The following CHD6 variants were observed in gnomAD, a reference collection of about 807,000 sequenced individuals.
CHD6 encodes the protein ATP-dependent chromatin remodeler CHD6.
CHD6 carries 50 observed loss-of-function variants against 276.9 expected under a neutral mutation model. The ratio of observed to expected loss-of-function variants is 0.18; its 90% CI spans 0.14 to 0.23. The LOEUF (loss-of-function observed/expected upper bound fraction) is 0.23, where lower values mean the gene tolerates loss of function less well. CHD6 is among the 10% of genes least tolerant of loss of function. CHD6 has a pLI of 1.00. For synonymous variants in CHD6, 1,173 were observed against 1,229.3 expected, an observed-to-expected ratio of 0.95 and a Z score of 0.96; for missense variants, 2,564 against 3,365.8, an observed-to-expected ratio of 0.76 and a Z score of 5.89.
rs772043723 is a variant in CHD6, at chr20:41,493,841, G to A, written c.1179+17C>T. The A allele has an allele frequency of 1.9e-6, 3 of 1,606,868 alleles. No individual in the cohort carries two copies. Among genetic ancestry groups the A allele is most frequent in the Non-Finnish European group, 2.6e-6 (3 of 1,173,696 alleles). ...GTGGAAAGAAGGGAAGATGCTTCAG[G>A]AGAGGCAAATACCCACCTCCCCTGT... On this transcript the variant is annotated intron_variant, in intron 9 of 36. Transcript: ENST00000373233.
intron 5 of CHD6, among the ~76,000 whole-genome samples, chr20:41,502,867 G>A (rs191474088): frequency 2.0e-4 from 30 of 152,274 alleles, no homozygotes; most frequent in African/African-American, 4.6e-4. Flanking sequence ...TTAGCGTGGC[G>A]TGGTGGTGCA....
Position 41,423,617 on chromosome 20 carries a change from T to C in CHD6, c.4430A>G (p.Asp1477Gly). The C allele has an allele frequency of 6.2e-7, 1 of 1,614,206 alleles. No individual in the cohort carries two copies. ...GGAAATGATGCGGAACTGTGTCCAG[T>C]CAAAGGTTTTCTTTTCTTGATCGTA... is the stretch of plus-strand genomic sequence containing the variant. ...VVYDQEKKTF[D>G]WTQFRIISRL... The change falls in exon 30 of 37, where the codon GAC becomes GGC. Residue 1477 changes from aspartate (D) to glycine (G), a missense_variant. By Grantham distance (94) the Asp-to-Gly change is moderately conservative. This residue lies in a region of CHD6 where 515 missense variants were observed against 739.5 expected (regional missense o/e 0.70). Coordinates refer to ENST00000373233, the MANE Select transcript of CHD6 (RefSeq NM_032221.5).
In CHD6 at chr20:41,404,504, G is replaced by C. The variant is rs1753268067; in HGVS notation, c.*89C>G. On this transcript the variant is annotated 3_prime_UTR_variant, in exon 37 of 37. Coordinates refer to ENST00000373233, the MANE Select transcript of CHD6 (RefSeq NM_032221.5). ...CGTAATCTTACTTATGGAAACACAGGTTCTTATGGAGGTGAAGTGAGGGAA... is the reference window on the plus strand; with the variant it reads ...CGTAATCTTACTTATGGAAACACAGCTTCTTATGGAGGTGAAGTGAGGGAA... 2 of 1,423,286 alleles carry C rather than the reference G, an allele frequency of 1.4e-6. No individual in the cohort carries two copies. Among genetic ancestry groups the C allele is most frequent in the African/African-American group, 2.8e-5 (2 of 70,560 alleles). The allele number at this position is 1,423,286 out of a possible 1,614,324, so 88.2% of individuals were successfully genotyped here. A position where few individuals can be genotyped will look rare whatever the true frequency, so the allele number is the denominator to read the frequency against.
chr20:41,486,814 G>C (rs973386674), intron 14 of CHD6, among the ~76,000 whole-genome samples: 1 of 151,136 alleles, frequency 6.6e-6, no homozygotes, highest in Middle Eastern at 3.5e-3. Context: ...TTCCCCACTA[G>C]TGAATAACTA....
chr20:41,435,430 C>T (rs1441773795), intron 27 of CHD6, among the ~76,000 whole-genome samples: 2 of 151,648 alleles, frequency 1.3e-5, no homozygotes, highest in Admixed American at 1.3e-4. Context: ...CCTGTCTCTA[C>T]AAAAAAACAG....
Position 41,403,620 on chromosome 20 carries a change from G to A in CHD6, c.*973C>T. ...AAAGGACCTACTAGCAAGTGTCAAA[G>A]TGTTGGGCAACTGTCTTCTTGCAGG... On this transcript the variant is annotated 3_prime_UTR_variant, in exon 37 of 37. Transcript: ENST00000373233. The A allele has an allele frequency of 2.8e-6, 3 of 1,062,248 alleles. No homozygotes were observed. Among genetic ancestry groups the A allele is most frequent in the Non-Finnish European group, 3.4e-6 (3 of 877,356 alleles). The allele number at this position is 1,062,248 out of a possible 1,614,324, so 65.8% of individuals were successfully genotyped here. A position where few individuals can be genotyped will look rare whatever the true frequency, so the allele number is the denominator to read the frequency against.
chr20:41,456,949 A>G (rs1372910719), intron 18 of CHD6, among the ~76,000 whole-genome samples: 1 of 152,196 alleles, frequency 6.6e-6, no homozygotes, highest in Non-Finnish European at 1.5e-5. Context: ...GGTATGAGAT[A>G]AGGCACAGTA....
intron 2 of CHD6, among the ~76,000 whole-genome samples, chr20:41,533,888 T>C (rs1174823318): frequency 6.6e-6 from 1 of 152,198 alleles, no homozygotes. Flanking sequence ...CCAAATAACC[T>C]TTAGCCACTT....
chr20:41,588,269 CAAT>C (rs1352532154), intron 1 of CHD6, among the ~76,000 whole-genome samples: 3 of 152,140 alleles, frequency 2.0e-5, no homozygotes, highest in Non-Finnish European at 4.4e-5. Context: ...TGTCATACAA[CAAT>C]AAGAATTTTA....
At chr20:41,589,374 C>T (rs1487525412) in intron 1 of CHD6, among the ~76,000 whole-genome samples, 2 of 152,102 alleles carry the variant, frequency 1.3e-5, no homozygotes, top group African/African-American at 4.8e-5. Context: ...CCAGGGCAAT[C>T]AGGCAGGAGA....
intron 17 of CHD6, chr20:41,459,557 C>A (rs146975390): frequency 6.6e-6 from 1 of 152,386 alleles, no homozygotes; most frequent in African/African-American, 2.4e-5. Context: ...AACTGAATCA[C>A]GGGGGCCAGT....
chr20:41,453,291 G>A (rs929321566), intron 20 of CHD6, among the ~76,000 whole-genome samples: 1 of 152,184 alleles, frequency 6.6e-6, no homozygotes, highest in Admixed American at 6.5e-5. Flanking sequence ...AGACCCAGCT[G>A]TTCTGCCCAG....
At chr20:41,617,932 C>T (rs1194595850) in intron 1 of CHD6, among the ~76,000 whole-genome samples, 2 of 146,828 alleles carry the variant, frequency 1.4e-5, no homozygotes, top group Non-Finnish European at 3.0e-5. Flanking sequence ...CCCGGGGGTC[C>T]CACCGCGCCC....
At chr20:41,545,743 C>T (rs6029720) in intron 2 of CHD6, among the ~76,000 whole-genome samples, 63,056 of 151,878 alleles carry the variant, frequency 0.42, 16,286 homozygotes, top group African/African-American at 0.72. Flanking sequence ...ACCCAAAATT[C>T]AGCACCACAC....
rs140430642 is a variant in CHD6 at position 41,421,113 on chromosome 20, T to C, written c.5522A>G (p.Asp1841Gly). ...TTCCAATAAATCAATTAATTGCTGA[T>C]CTGATGACAGGTTTCTTTTGGAGTC... ...VCDSKRNLSS[D>G]QQLIDLLENK... The change falls in exon 31 of 37, where the codon GAT becomes GGT. Residue 1841 changes from aspartate to glycine, a missense_variant. Around this residue, in one of 7 missense-constraint regions of CHD6, gnomAD observed 1,024 missense variants for 1,047.9 expected, o/e 0.98. Transcript: ENST00000373233. The C allele has an allele frequency of 2.0e-4, 318 of 1,614,212 alleles. No individual in the cohort carries two copies. In the Middle Eastern group the frequency reaches 2.3e-3, roughly 12 times the overall value.
At chr20:41,594,391 G>C (rs2146269889) in intron 1 of CHD6, among the ~76,000 whole-genome samples, 1 of 152,268 alleles carries the variant, frequency 6.6e-6, no homozygotes, top group African/African-American at 2.4e-5. Context: ...CAAAGTACTG[G>C]TACTGCAGGT....
chr20:41,507,542 G>A (rs953039299), intron 5 of CHD6, among the ~76,000 whole-genome samples: 1 of 152,134 alleles, frequency 6.6e-6, no homozygotes, highest in African/African-American at 2.4e-5. Context: ...AAGTAGGAAG[G>A]GAGCTGGAAA....
intron 1 of CHD6, among the ~76,000 whole-genome samples, chr20:41,582,019 T>C (rs916036969): frequency 6.6e-6 from 1 of 152,196 alleles, no homozygotes; most frequent in Non-Finnish European, 1.5e-5. Flanking sequence ...ATTTTTAAGA[T>C]ACATCACAGT....
At chr20:41,464,817 G>A (rs1340154646) in intron 17 of CHD6, among the ~76,000 whole-genome samples, 1 of 152,118 alleles carries the variant, frequency 6.6e-6, no homozygotes, top group Non-Finnish European at 1.5e-5. Context: ...ATTCCAACGT[G>A]GGGGCACGAA....
Sources: allele counts gnomAD v4.1 joint callset (sites outside exome capture counted in the v4.1 genomes callset), GRCh38; gene constraint gnomAD v4.1.1; regional missense constraint gnomAD v4.1.1; transcripts MANE v1.5; gene names NCBI Gene and HGNC (gene_info 2026-07-23, HGNC 2026-07-21).